ZNF567: variants seen among roughly 807,000 people sequenced by gnomAD.
ZNF567 encodes the protein zinc finger protein 567.
A neutral mutation model predicts 53.9 loss-of-function variants in ZNF567; 36 were observed. That is an observed-to-expected ratio of 0.67 (90% confidence interval 0.51 to 0.88). ZNF567 has a LOEUF of 0.88. Ranked by LOEUF, ZNF567 falls within the 40% of genes least tolerant of loss-of-function variation. The pLI is 0.00. For synonymous variants in ZNF567, 224 were observed against 260.4 expected (o/e 0.86, Z 1.35); for missense variants, 619 against 764.7 (o/e 0.81, Z 2.25).
intron 2 of ZNF567, among the ~76,000 whole-genome samples, chr19:36,690,175 G>A (rs2038523529): frequency 1.3e-5 from 2 of 152,352 alleles, no homozygotes; most frequent in South Asian, 4.1e-4. Flanking sequence ...AAATAAATAG[G>A]GGGTGTGTGT....
Position 36,719,839 on chromosome 19 carries a change from A to T in ZNF567, c.1115A>T (p.Lys372Met). The T allele has an allele frequency of 6.2e-7, 1 of 1,614,184 alleles. No homozygotes were observed. Among genetic ancestry groups the T allele is most frequent in the Non-Finnish European group, 8.5e-7 (1 of 1,180,026 alleles). ...CCATATGAGTGTAATGACTGTGGGAAGTCCTTCCGCCAGAAGACAACACTC... is the reference window on the plus strand; with the variant it reads ...CCATATGAGTGTAATGACTGTGGGATGTCCTTCCGCCAGAAGACAACACTC... ...EKPYECNDCG[K>M]SFRQKTTLSL... is the part of the protein sequence containing the mutation. Residue 372 changes from lysine (K) to methionine (M), a missense_variant, in exon 6 of 6, where the codon AAG becomes ATG. By Grantham distance (95) the Lys-to-Met change is moderately conservative (BLOSUM62 -1). Transcript: ENST00000682579.
At chr19:36,723,338 A>G, downstream of ZNF567, 1 of 687,090 alleles carries the variant, frequency 1.5e-6, no homozygotes, top group Non-Finnish European at 2.7e-6. Context: ...AATAAAAAGT[A>G]TCTGTGGCAT....
At chr19:36,684,217 A>G (rs1433657110), upstream of ZNF567, among the ~76,000 whole-genome samples, 1 of 152,222 alleles carries the variant, frequency 6.6e-6, no homozygotes, top group Non-Finnish European at 1.5e-5. Context: ...CAATTGTTAT[A>G]TAACCCTGTT....
the ZNF567 span, among the ~76,000 whole-genome samples, chr19:36,671,010 G>A: frequency 6.6e-6 from 1 of 152,224 alleles, no homozygotes; most frequent in East Asian, 1.9e-4. Context: ...GCTGAGGCAG[G>A]AGAATTGCTT....
At chr19:36,695,165 G>T (rs1051420255) in intron 3 of ZNF567, among the ~76,000 whole-genome samples, 1 of 151,022 alleles carries the variant, frequency 6.6e-6, no homozygotes, top group African/African-American at 2.4e-5. Context: ...GGAGAATTGC[G>T]AGTCCAGGAG....
At chr19:36,707,505 T>A (rs2039557906) in intron 3 of ZNF567, among the ~76,000 whole-genome samples, 1 of 152,250 alleles carries the variant, frequency 6.6e-6, no homozygotes, top group Admixed American at 6.5e-5. Flanking sequence ...ATCCTTTTTA[T>A]ATCTTCCATT....
chr19:36,709,611 T>C (rs2039673661), intron 3 of ZNF567, among the ~76,000 whole-genome samples: 2 of 151,980 alleles, frequency 1.3e-5, no homozygotes, highest in Non-Finnish European at 2.9e-5. Context: ...ATTACAGAAG[T>C]AAGCCACCAC....
the ZNF567 span, among the ~76,000 whole-genome samples, chr19:36,676,187 T>A: frequency 6.9e-6 from 1 of 144,428 alleles, no homozygotes; most frequent in African/African-American, 2.6e-5. Flanking sequence ...TGCCTCAGCC[T>A]CCCGAGTAGC....
the ZNF567 span, among the ~76,000 whole-genome samples, chr19:36,680,158 G>A: frequency 3.3e-5 from 5 of 151,966 alleles, no homozygotes; most frequent in Non-Finnish European, 5.9e-5. Flanking sequence ...ACATACAATT[G>A]TTGTACAAAT....
At chr19:36,704,351 G>A (rs1334611694) in intron 3 of ZNF567, among the ~76,000 whole-genome samples, 1 of 152,154 alleles carries the variant, frequency 6.6e-6, no homozygotes, top group Non-Finnish European at 1.5e-5. Context: ...AACCCAGGAG[G>A]TGGAGGTTGC....
intron 3 of ZNF567, chr19:36,711,572 G>T (rs904179029): frequency 6.6e-6 from 1 of 152,056 alleles, no homozygotes. Context: ...TTATCTGAGG[G>T]AAAGTGTCCC....
chr19:36,676,939 T>A, the ZNF567 span, among the ~76,000 whole-genome samples: 1 of 147,214 alleles, frequency 6.8e-6, no homozygotes, highest in Admixed American at 6.8e-5. Flanking sequence ...GCAGATCACC[T>A]GAGGTCAGAA....
In ZNF567 at chr19:36,720,617, C is replaced by T; in HGVS notation, c.1893C>T (p.Asn631=). The T allele has an allele frequency of 6.3e-7, 1 of 1,579,496 alleles. No homozygotes were observed. The highest frequency in any genetic ancestry group is 8.6e-7 in the Non-Finnish European group (1 of 1,164,558). Reference sequence around the variant, plus strand: ...GTAAGTCTTTCAGTTATAAGAGAAACCTCATTGTCCATCAAAGAACTCACA... The same window carrying T: ...GTAAGTCTTTCAGTTATAAGAGAAATCTCATTGTCCATCAAAGAACTCACA... ...ECGKSFSYKR[N]LIVHQRTHKG... Residue 631 remains asparagine, a synonymous_variant, in exon 6 of 6, where the codon AAC becomes AAT. Coordinates refer to ENST00000682579, the MANE Select transcript of ZNF567 (RefSeq NM_001322917.1).
the ZNF567 span, among the ~76,000 whole-genome samples, chr19:36,667,343 AAAT>A: frequency 6.6e-6 from 1 of 151,868 alleles, no homozygotes; most frequent in African/African-American, 2.4e-5. Context: ...TCTCTACTAA[AAAT>A]ACAAAATTAG....
chr19:36,709,864 T>C (rs1200200102), intron 3 of ZNF567, among the ~76,000 whole-genome samples: 1 of 152,234 alleles, frequency 6.6e-6, no homozygotes, highest in Non-Finnish European at 1.5e-5. Context: ...ATAGTTTTGC[T>C]GCGTGTAGAA....
intron 1 of ZNF567, among the ~76,000 whole-genome samples, chr19:36,689,035 T>C (rs2038437416): frequency 6.6e-6 from 1 of 152,012 alleles, no homozygotes; most frequent in South Asian, 2.1e-4. Context: ...AGGTGGAAGT[T>C]GCAGTGAGCC....
intron 4 of ZNF567, 22 bp from the exon 5 acceptor site, chr19:36,712,759 A>C: frequency 1.2e-6 from 2 of 1,603,374 alleles, no homozygotes; most frequent in Non-Finnish European, 1.7e-6. Flanking sequence ...CAATCAACTT[A>C]AGTCTTTTTT....
chr19:36,678,551 A>T, the ZNF567 span, among the ~76,000 whole-genome samples: 1 of 152,318 alleles, frequency 6.6e-6, no homozygotes, highest in East Asian at 1.9e-4. Flanking sequence ...AATAACAAGA[A>T]TACAAATAAC....
intron 3 of ZNF567, among the ~76,000 whole-genome samples, chr19:36,708,007 C>A (rs987336930): frequency 1.3e-5 from 2 of 152,110 alleles, no homozygotes; most frequent in Non-Finnish European, 2.9e-5. Context: ...GCGATCCCCC[C>A]ACCTCAGTCT....
Sources: allele counts gnomAD v4.1 joint callset (sites outside exome capture counted in the v4.1 genomes callset), GRCh38; gene constraint gnomAD v4.1.1; transcripts MANE v1.5; gene names NCBI Gene and HGNC (gene_info 2026-07-23, HGNC 2026-07-21).